The following PNPLA1 variants were observed in gnomAD, a reference collection of about 807,000 sequenced individuals.
PNPLA1 encodes omega-hydroxyceramide transacylase.
Under a neutral mutation model 51.7 loss-of-function variants are expected in PNPLA1, and 36 were observed. The observed-to-expected ratio is 0.70, with a 90% CI of 0.53 to 0.92. The LOEUF (loss-of-function observed/expected upper bound fraction) is 0.92. PNPLA1 is among the 40% of genes least tolerant of loss of function. The probability of loss-of-function intolerance (pLI) is 0.00; values close to 1 mark genes in which losing one functional copy is unlikely to be tolerated. For synonymous variants in PNPLA1, 293 were observed against 280.1 expected, an observed-to-expected ratio of 1.05 and a Z score of -0.46; for missense variants, 658 against 682.5, an observed-to-expected ratio of 0.96 and a Z score of 0.40.
chr6:36,307,454 T>G, intron 7 of PNPLA1, 133 bp from the exon 8 acceptor site: 1 of 999,416 alleles, frequency 1.0e-6, no homozygotes, highest in Non-Finnish European at 1.4e-6. Flanking sequence ...AAAAGTTTGC[T>G]GGGAAATCCA....
rs751140258 is a variant in PNPLA1 at position 36,301,935 on chromosome 6, G to A, written c.850G>A (p.Ala284Thr). ...GGAAGTGTACTGCCAGATAGAACTC[G>A]CCCTTGGCAATGAGTGCCCTGAACG... ...RVEVYCQIELALGNECPERSQ... is the reference protein window; with the variant it reads ...RVEVYCQIELTLGNECPERSQ... The change falls in exon 6 of 9, where the codon GCC becomes ACC. Residue 284 changes from alanine to threonine, a missense_variant. Ala to Thr is a moderately conservative substitution (Grantham distance 58). Coordinates refer to ENST00000636260, the MANE Select transcript of PNPLA1 (RefSeq NM_001374623.1). 61 of 1,614,016 alleles carry A rather than the reference G, an allele frequency of 3.8e-5. No homozygotes were observed. Among genetic ancestry groups the A allele is most frequent in the South Asian group, 9.9e-5 (9 of 91,084 alleles).
intron 1 of PNPLA1, among the ~76,000 whole-genome samples, chr6:36,254,618 G>A (rs897828067): frequency 1.3e-5 from 2 of 151,976 alleles, no homozygotes; most frequent in Admixed American, 1.3e-4. Flanking sequence ...AGAAAAGAAT[G>A]GGCCATCTTA....
intron 1 of PNPLA1, among the ~76,000 whole-genome samples, chr6:36,247,220 C>T (rs539186344): frequency 6.6e-6 from 1 of 152,204 alleles, no homozygotes; most frequent in Non-Finnish European, 1.5e-5. Context: ...CCCTCAGGGC[C>T]CCACAGACTA....
intron 1 of PNPLA1, among the ~76,000 whole-genome samples, chr6:36,279,103 C>T (rs774498243): frequency 9.9e-5 from 15 of 152,104 alleles, no homozygotes; most frequent in African/African-American, 2.4e-4. Context: ...AGTTGCCCCC[C>T]GGTGAAAACA....
At chr6:36,251,454 G>A (rs1268986582) in intron 1 of PNPLA1, among the ~76,000 whole-genome samples, 5 of 152,204 alleles carry the variant, frequency 3.3e-5, no homozygotes, top group East Asian at 3.8e-4. Flanking sequence ...GAAGTTAGGT[G>A]TAGCTATGTG....
chr6:36,255,270 C>T (rs552605757), intron 1 of PNPLA1, among the ~76,000 whole-genome samples: 46 of 151,480 alleles, frequency 3.0e-4, no homozygotes, highest in African/African-American at 9.2e-4. Context: ...TTTGGGAGGC[C>T]GAGGTGAGTG....
chr6:36,284,555 TCATCCATCCATCCATCCATCCATC>T (rs66750925), intron 1 of PNPLA1, among the ~76,000 whole-genome samples: 7 of 148,306 alleles, frequency 4.7e-5, no homozygotes, highest in South Asian at 2.2e-4. Context: ...ATCCATCCAC[TCATCCATCCATCCATCCATCCATC>T]CATCCATCCA....
chr6:36,275,275 C>T (rs1770055683), intron 1 of PNPLA1, among the ~76,000 whole-genome samples: 1 of 152,060 alleles, frequency 6.6e-6, no homozygotes, highest in African/African-American at 2.4e-5. Context: ...GAGTCAGGGT[C>T]TCACTATGTT....
At chr6:36,306,517 C>T in intron 7 of PNPLA1, 141 bp downstream of exon 7, 1 of 717,284 alleles carries the variant, frequency 1.4e-6, no homozygotes, top group South Asian at 1.9e-5. Context: ...ATTCCAGGTC[C>T]ACCCCTTTAC....
In PNPLA1 at chr6:36,270,574, GC is replaced by G. The variant is rs1414059926; in HGVS notation, c.121del (p.Arg41GlyfsTer17). On this transcript the variant is annotated frameshift_variant, in exon 1 of 9. Coordinates refer to ENST00000636260, the MANE Select transcript of PNPLA1 (RefSeq NM_001374623.1). LOFTEE classifies it high-confidence loss of function. Reference sequence around the variant, plus strand: ...GGCTGTGGACGCCCTGCGGGACCTGGCCCCCCGGATGCTGGAAACAGCCCAC... The same window carrying G: ...GGCTGTGGACGCCCTGCGGGACCTGGCCCCCGGATGCTGGAAACAGCCCAC... ...AGAVDALRDL[A>X]PRMLETAHRF... The G allele has an allele frequency of 4.5e-6, 7 of 1,551,620 alleles. No homozygotes were observed. The highest frequency in any genetic ancestry group is 3.6e-5 in the South Asian group (3 of 84,066).
At position 36,293,781 on chromosome 6, in the gene PNPLA1, G is replaced by A. The variant is rs142553129; in HGVS notation, c.505-409G>A. On this transcript the variant is annotated intron_variant, in intron 3 of 8. Transcript: ENST00000636260. ...AGAGCCTCAGTATTTGTTGTCCTTC[G>A]TTCATAGGTGAGAAAACAGAAGCCC... Among the ~76,000 whole-genome samples the A allele has an allele frequency of 4.5e-4, 68 of 152,308 alleles. No individual in the cohort carries two copies. In the East Asian group the frequency reaches 0.012, roughly 26 times the overall value.
intron 1 of PNPLA1, among the ~76,000 whole-genome samples, chr6:36,257,650 A>T (rs1018286621): frequency 1.3e-5 from 2 of 152,118 alleles, no homozygotes; most frequent in Non-Finnish European, 2.9e-5. Context: ...CCTTCTTTTC[A>T]TTCATTATGA....
chr6:36,288,220 T>C (rs1770563656), intron 1 of PNPLA1, among the ~76,000 whole-genome samples: 1 of 152,186 alleles, frequency 6.6e-6, no homozygotes, highest in Admixed American at 6.5e-5. Flanking sequence ...GCATCGTTAT[T>C]TAGAAAAGCA....
chr6:36,271,538 A>G (rs1189236259), intron 1 of PNPLA1, among the ~76,000 whole-genome samples: 2 of 152,244 alleles, frequency 1.3e-5, no homozygotes, highest in Non-Finnish European at 2.9e-5. Flanking sequence ...GGGAAGTGAT[A>G]TGATCTATGA....
intron 5 of PNPLA1, among the ~76,000 whole-genome samples, chr6:36,300,939 T>A (rs1385920223): frequency 1.3e-5 from 2 of 152,258 alleles, no homozygotes; most frequent in Admixed American, 1.3e-4. Flanking sequence ...TATGGATTCA[T>A]GGTTATGTTA....
At chr6:36,300,909 G>A (rs114568697) in intron 5 of PNPLA1, among the ~76,000 whole-genome samples, 19 of 152,128 alleles carry the variant, frequency 1.2e-4, no homozygotes, top group Non-Finnish European at 2.5e-4. Context: ...ACTTACCTAC[G>A]TAATATATGT....
At chr6:36,281,170 C>A (rs1366700807) in intron 1 of PNPLA1, among the ~76,000 whole-genome samples, 2 of 152,170 alleles carry the variant, frequency 1.3e-5, no homozygotes, top group Non-Finnish European at 2.9e-5. Context: ...CTCCAGTGTT[C>A]CTTAATACAT....
intron 4 of PNPLA1, 62 bp from the exon 5 acceptor site, chr6:36,295,302 G>C (rs1330244756): frequency 6.4e-7 from 1 of 1,568,304 alleles, no homozygotes; most frequent in African/African-American, 1.4e-5. Context: ...CCTGGGTCGG[G>C]GGAACTGTGG....
Position 36,294,312 on chromosome 6 carries a change from C to A in PNPLA1, c.627C>A (p.His209Gln). The A allele has an allele frequency of 6.2e-7, 1 of 1,614,224 alleles. No individual in the cohort carries two copies. Among genetic ancestry groups the A allele is most frequent in the Non-Finnish European group, 8.5e-7 (1 of 1,180,040 alleles). The change falls in exon 4 of 9, where the codon CAC becomes CAA. Residue 209 changes from histidine to glutamine, a missense_variant. Physicochemically the swap from His to Gln is conservative, Grantham distance 24 (BLOSUM62 0). Coordinates refer to ENST00000636260, the MANE Select transcript of PNPLA1 (RefSeq NM_001374623.1). The surrounding 1 kb of genome is among the most constrained non-coding windows in gnomAD (Gnocchi z 4.2). ...ICPRDCPAIF[H>Q]DFRMFNCSFQ... The stretch of plus-strand genomic sequence containing the variant: ...CCCGGGACTGCCCGGCCATCTTCCA[C>A]GACTTCCGCATGTTCAACTGCTCCT...
Sources: gnomAD v4.1 joint callset for allele counts (sites outside exome capture counted in the v4.1 genomes callset) on GRCh38, gnomAD v4.1.1 for gene constraint, Gnocchi (gnomAD v3.1) non-coding constraint, MANE v1.5 for transcripts, NCBI Gene and HGNC (gene_info 2026-07-23, HGNC 2026-07-21) for gene names.